SEPTIN14: variants seen among roughly 807,000 people sequenced by gnomAD.
The protein encoded by SEPTIN14 is septin-14.
In SEPTIN14, 40 loss-of-function variants were observed where a neutral mutation model predicts 53.6. The observed-to-expected ratio is 0.75, with a 90% CI of 0.58 to 0.97. The LOEUF (loss-of-function observed/expected upper bound fraction) is 0.97, where lower values mean the gene tolerates loss of function less well. Among genes scored for constraint, SEPTIN14 ranks in the 50% least tolerant of loss-of-function variants. The pLI is 0.00. For synonymous variants in SEPTIN14, 138 were observed against 166.8 expected (o/e 0.83, Z 1.33); for missense variants, 471 against 508.2 (o/e 0.93, Z 0.70).
At position 55,846,618 on chromosome 7, in the gene SEPTIN14, C is replaced by T. The variant is rs754503788; in HGVS notation, c.74G>A (p.Arg25His). Residue 25 changes from arginine to histidine, a missense_variant, in exon 3 of 10, where the codon CGT becomes CAT. Physicochemically the swap from Arg to His is conservative, Grantham distance 29 (BLOSUM62 0). Coordinates refer to ENST00000388975, the MANE Select transcript of SEPTIN14 (RefSeq NM_207366.3). ...AAAATGTCCAATCGTAGTTAAACAA[C>T]GAATATTATTTTCTTTTTGCTTAAA... ...DGDTQKENNI[R>H]CLTTIGHFGF... is the part of the protein sequence containing the mutation. The T allele has an allele frequency of 8.1e-6, 12 of 1,474,650 alleles. No homozygotes were observed. Among genetic ancestry groups the T allele is most frequent in the East Asian group, 2.3e-5 (1 of 43,440 alleles). 91.3% of individuals were successfully genotyped at this position (1,474,650 alleles called of 1,614,324 possible). A position where few individuals can be genotyped will look rare whatever the true frequency, so the allele number is the denominator to read the frequency against.
chr7:55,847,679 C>A (rs1789437506), intron 2 of SEPTIN14, among the ~76,000 whole-genome samples: 1 of 152,064 alleles, frequency 6.6e-6, no homozygotes, highest in East Asian at 1.9e-4. Context: ...GCTGGAGATC[C>A]TCTACATATG....
At chr7:55,822,856 CAAAAA>C (rs148179709) in intron 6 of SEPTIN14, among the ~76,000 whole-genome samples, 2 of 104,424 alleles carry the variant, frequency 1.9e-5, no homozygotes, top group African/African-American at 3.5e-5. Flanking sequence ...CAGGGGAAAG[CAAAAA>C]AAAAAAAAAA....
chr7:55,812,564 A>G lies in SEPTIN14; in HGVS notation c.818-5306T>C, dbSNP rs544444814. Among the ~76,000 whole-genome samples the G allele has an allele frequency of 3.3e-5, 5 of 152,318 alleles. No individual in the cohort carries two copies. The East Asian group carries it at 9.6e-4, about 29-fold the overall frequency. On this transcript the variant is annotated intron_variant, in intron 7 of 9. Coordinates refer to ENST00000388975, the MANE Select transcript of SEPTIN14 (RefSeq NM_207366.3). ...TTAATAATAAGCTACTGTATATTTC[A>G]AAATTGCTAAAATGGGGAGTGGGGT...
intron 2 of SEPTIN14, among the ~76,000 whole-genome samples, chr7:55,849,211 G>A (rs1404963408): frequency 6.6e-6 from 1 of 151,804 alleles, no homozygotes; most frequent in Non-Finnish European, 1.5e-5. Flanking sequence ...TGTAATCCCA[G>A]CTACTCGGGA....
At chr7:55,845,087 G>T (rs1014410029) in intron 3 of SEPTIN14, among the ~76,000 whole-genome samples, 2 of 152,062 alleles carry the variant, frequency 1.3e-5, no homozygotes, top group Non-Finnish European at 2.9e-5. Flanking sequence ...CCACCCTCAA[G>T]TAGACACCAG....
intron 9 of SEPTIN14, among the ~76,000 whole-genome samples, chr7:55,801,393 GA>G (rs1788520594): frequency 6.6e-6 from 1 of 151,996 alleles, no homozygotes; most frequent in Non-Finnish European, 1.5e-5. Context: ...ATGATCATGA[GA>G]CTACTATGAA....
intron 2 of SEPTIN14, among the ~76,000 whole-genome samples, chr7:55,857,639 G>A (rs1267922994): frequency 3.0e-5 from 4 of 134,618 alleles, no homozygotes; most frequent in Non-Finnish European, 6.2e-5. Flanking sequence ...CCAGGCTGGA[G>A]TGCAGTGGCA....
chr7:55,803,787 T>G (rs965555988), intron 9 of SEPTIN14, among the ~76,000 whole-genome samples: 12 of 151,710 alleles, frequency 7.9e-5, no homozygotes, highest in African/African-American at 2.7e-4. Context: ...AAGAGAAAAT[T>G]TAAATGGTTG....
intron 5 of SEPTIN14, among the ~76,000 whole-genome samples, chr7:55,838,440 C>T (rs763700450): frequency 4.0e-5 from 6 of 148,700 alleles, no homozygotes; most frequent in Admixed American, 3.3e-4. Context: ...CCATTTTCCA[C>T]AGTTTCTCTT....
chr7:55,821,500 A>C (rs1489434572), intron 6 of SEPTIN14, among the ~76,000 whole-genome samples: 1 of 152,206 alleles, frequency 6.6e-6, no homozygotes, highest in Non-Finnish European at 1.5e-5. Context: ...ATAGCCAAAA[A>C]AATATTGAAA....
At chr7:55,852,098 C>T (rs1412250765) in intron 2 of SEPTIN14, among the ~76,000 whole-genome samples, 14 of 149,124 alleles carry the variant, frequency 9.4e-5, no homozygotes, top group South Asian at 6.3e-4. Flanking sequence ...GCCGAGATTG[C>T]GCCACTGCAC....
intron 2 of SEPTIN14, among the ~76,000 whole-genome samples, chr7:55,851,923 A>C (rs1274330358): frequency 6.6e-6 from 1 of 152,088 alleles, no homozygotes; most frequent in Non-Finnish European, 1.5e-5. Context: ...CGGGTGGATC[A>C]TGAGGTCAGG....
chr7:55,862,144 C>T lies in SEPTIN14; in HGVS notation c.-15-133G>A, dbSNP rs142546215. 155 of 594,750 alleles carry T rather than the reference C, an allele frequency of 2.6e-4. No homozygotes were observed. The African/African-American group carries it at 2.8e-3, about 11-fold the overall frequency. The allele number at this position is 594,750 out of a possible 1,614,324, so 36.8% of individuals were successfully genotyped here. On this transcript the variant is annotated intron_variant, in intron 1 of 9. Transcript: ENST00000388975. ...TTAGTTTTTAGTTCACACTATTCATCTGTTTTAAACTGTGGCTGTCTTGCT... is the reference window on the plus strand; with the variant it reads ...TTAGTTTTTAGTTCACACTATTCATTTGTTTTAAACTGTGGCTGTCTTGCT...
chr7:55,810,875 C>T (rs1246356797), intron 7 of SEPTIN14: 2 of 320,936 alleles, frequency 6.2e-6, no homozygotes, highest in Non-Finnish European at 1.2e-5. Context: ...CTGGAGTTGG[C>T]TTCACTATGG....
chr7:55,814,275 A>G (rs1398475477), intron 7 of SEPTIN14, among the ~76,000 whole-genome samples: 1 of 152,110 alleles, frequency 6.6e-6, no homozygotes, highest in East Asian at 1.9e-4. Context: ...TAAATATCTA[A>G]CTCTTCAATG....
At chr7:55,818,873 C>A (rs1217230651) in intron 7 of SEPTIN14, among the ~76,000 whole-genome samples, 1 of 152,152 alleles carries the variant, frequency 6.6e-6, no homozygotes, top group Non-Finnish European at 1.5e-5. Context: ...TTGGGATAGA[C>A]AAAGAGGTTC....
intron 9 of SEPTIN14, among the ~76,000 whole-genome samples, chr7:55,802,289 G>A (rs1788534613): frequency 6.6e-6 from 1 of 152,168 alleles, no homozygotes; most frequent in African/African-American, 2.4e-5. Context: ...ACAGGCATGA[G>A]CCACCTCGCC....
chr7:55,825,296 A>T (rs1415780926), intron 6 of SEPTIN14, among the ~76,000 whole-genome samples: 1 of 152,236 alleles, frequency 6.6e-6, no homozygotes, highest in Non-Finnish European at 1.5e-5. Flanking sequence ...AAAATAAAAA[A>T]TTACGGAGAG....
At chr7:55,798,452 G>T in intron 9 of SEPTIN14, 1 of 268,956 alleles carries the variant, frequency 3.7e-6, no homozygotes, top group South Asian at 4.2e-5. Context: ...GACAGAGAAT[G>T]ACCACAATGA....
Sources: allele counts gnomAD v4.1 joint callset (sites outside exome capture counted in the v4.1 genomes callset), GRCh38; gene constraint gnomAD v4.1.1; transcripts MANE v1.5; gene names NCBI Gene and HGNC (gene_info 2026-07-23, HGNC 2026-07-21).